The following DNAH8 variants were observed in gnomAD, a reference collection of about 807,000 sequenced individuals.
DNAH8 encodes dynein axonemal heavy chain 8.
A neutral mutation model predicts 562.1 loss-of-function variants in DNAH8; 382 were observed. That is an observed-to-expected ratio of 0.68 (90% CI 0.63 to 0.74). DNAH8 has a LOEUF of 0.74. DNAH8 is among the 30% of genes least tolerant of loss of function. The probability of loss-of-function intolerance (pLI) is 0.00; values close to 1 mark genes in which losing one functional copy is unlikely to be tolerated. For missense variants in DNAH8, 5,203 were observed against 5,620.4 expected, an observed-to-expected ratio of 0.93 and a Z score of 2.37; for synonymous variants, 1,881 against 1,919.4, an observed-to-expected ratio of 0.98 and a Z score of 0.52.
At chr6:38,852,408 C>T (rs1243110941) in intron 39 of DNAH8, among the ~76,000 whole-genome samples, 8 of 151,816 alleles carry the variant, frequency 5.3e-5, no homozygotes, top group South Asian at 4.2e-4. Flanking sequence ...AGGGGGGAGG[C>T]GGTGTGGTCC....
chr6:38,743,550 C>T (rs1257573901), intron 8 of DNAH8, among the ~76,000 whole-genome samples: 4 of 152,162 alleles, frequency 2.6e-5, no homozygotes, highest in South Asian at 4.1e-4. Flanking sequence ...CTTCCCATTT[C>T]CAACATTCCC....
rs33926161 is a variant in DNAH8 at position 38,994,500 on chromosome 6, AT to A, written c.13214+4342del. ...ATCAGGGTATAAAGGAATCATCTAC[AT>A]TTTTTTTTTTTTTAGTGCTTGTATG... On this transcript the variant is annotated intron_variant, in intron 88 of 92. Coordinates refer to ENST00000327475, the MANE Select transcript of DNAH8 (RefSeq NM_001206927.2). Among the ~76,000 whole-genome samples the A allele has an allele frequency of 7.0e-3, 1,015 of 145,342 alleles. 4 individuals carry two copies. Among genetic ancestry groups the A allele is most frequent in the Non-Finnish European group, 0.011 (705 of 66,288 alleles).
intron 68 of DNAH8, among the ~76,000 whole-genome samples, chr6:38,916,639 G>A (rs1353833692): frequency 2.6e-5 from 4 of 152,064 alleles, no homozygotes; most frequent in Admixed American, 6.6e-5. Context: ...TTACTGTAAC[G>A]TACAAAAGGA....
intron 11 of DNAH8, chr6:38,763,246 T>C (rs533683574): frequency 7.8e-6 from 2 of 256,084 alleles, no homozygotes; most frequent in East Asian, 1.2e-4. Context: ...GAAGTGTTTT[T>C]CCCACTATTC....
intron 82 of DNAH8, among the ~76,000 whole-genome samples, chr6:38,966,064 G>A (rs1252263307): frequency 6.6e-6 from 1 of 151,896 alleles, no homozygotes; most frequent in South Asian, 2.1e-4. Flanking sequence ...AGAAGTCAAA[G>A]GTATCTTTTT....
In DNAH8 at chr6:39,012,239, G is replaced by T. The variant is rs760473609; in HGVS notation, c.13396G>T (p.Gly4466Cys). The change falls in exon 90 of 93, where the codon GGC (glycine) becomes TGC (cysteine). Residue 4466 changes from glycine (G) to cysteine (C), a missense_variant. Gly to Cys is a radical substitution (Grantham distance 159, BLOSUM62 -3). Coordinates refer to ENST00000327475, the MANE Select transcript of DNAH8 (RefSeq NM_001206927.2). ...HEVKSRLIKM[G>C]HLNSMNIFLR... ...GGTGAAATCTCGTTTGATAAAGATG[G>T]GCCATCTTAATTCAATGAACATATT... 24 of 1,609,018 alleles carry T rather than the reference G, an allele frequency of 1.5e-5. No individual in the cohort carries two copies. In the East Asian group the frequency reaches 5.1e-4, roughly 34 times the overall value.
intron 61 of DNAH8, among the ~76,000 whole-genome samples, chr6:38,898,698 C>T (rs570789803): frequency 5.3e-5 from 8 of 152,204 alleles, no homozygotes; most frequent in African/African-American, 1.9e-4. Flanking sequence ...AATATACTTC[C>T]CTCAAATTAT....
intron 24 of DNAH8, among the ~76,000 whole-genome samples, chr6:38,807,991 T>C (rs1434558633): frequency 6.6e-6 from 1 of 152,144 alleles, no homozygotes; most frequent in Non-Finnish European, 1.5e-5. Context: ...TTGGTGTTTA[T>C]CATTGTCTTG....
chr6:38,873,437 GT>G, intron 52 of DNAH8, 61 bp downstream of exon 52: 1 of 1,424,080 alleles, frequency 7.0e-7, no homozygotes. Flanking sequence ...CTCAGTTGCA[GT>G]TTACAGCCAT....
intron 57 of DNAH8, among the ~76,000 whole-genome samples, chr6:38,887,359 G>A (rs2150478131): frequency 6.6e-6 from 1 of 152,314 alleles, no homozygotes; most frequent in South Asian, 2.1e-4. Context: ...ACTTCAATAT[G>A]TTAATGAAAA....
At chr6:38,740,118 C>G (rs972533967) in intron 7 of DNAH8, among the ~76,000 whole-genome samples, 1 of 152,142 alleles carries the variant, frequency 6.6e-6, no homozygotes, top group African/African-American at 2.4e-5. Flanking sequence ...TAGCGTTTTA[C>G]TAAACCAACA....
intron 23 of DNAH8, 34 bp from the exon 24 acceptor site, chr6:38,807,576 G>A (rs377402524): frequency 2.4e-6 from 3 of 1,251,404 alleles, no homozygotes; most frequent in African/African-American, 3.1e-5. Context: ...TTTTGGAGGA[G>A]AGATACCAAA....
chr6:38,826,179 A>G lies in DNAH8; in HGVS notation c.3871A>G (p.Ile1291Val). 6.2e-7 allele frequency: 1 copy of G among 1,608,110 alleles called. No homozygotes were observed. The highest frequency in any genetic ancestry group is 1.3e-5 in the African/African-American group (1 of 74,758). Residue 1291 changes from isoleucine to valine, a missense_variant, in exon 29 of 93, where the codon ATC (isoleucine) becomes GTC (valine). This residue lies in a region of DNAH8 where 2,176 missense variants were observed against 2,365.1 expected (regional missense o/e 0.92). Transcript: ENST00000327475. The part of the protein sequence containing the change: ...HTEPMKLALS[I>V]EAKAWKMLLC... Reference sequence around the variant, plus strand: ...AGAGCCGATGAAATTGGCCTTATCCATCGAGGCCAAGGCATGGAAGATGTT... The same window carrying G: ...AGAGCCGATGAAATTGGCCTTATCCGTCGAGGCCAAGGCATGGAAGATGTT...
At chr6:38,783,342 G>A (rs1189432092) in intron 17 of DNAH8, among the ~76,000 whole-genome samples, 1 of 152,174 alleles carries the variant, frequency 6.6e-6, no homozygotes. Context: ...TGACCTTGAA[G>A]ATGACATACT....
intron 21 of DNAH8, among the ~76,000 whole-genome samples, chr6:38,802,556 G>C (rs2150295115): frequency 6.6e-6 from 1 of 152,326 alleles, no homozygotes; most frequent in South Asian, 2.1e-4. Flanking sequence ...AAGACAAAGT[G>C]CAGGCATTTT....
intron 3 of DNAH8, among the ~76,000 whole-genome samples, chr6:38,726,861 T>G (rs573480482): frequency 3.9e-4 from 55 of 141,412 alleles, no homozygotes; most frequent in African/African-American, 1.3e-3. Flanking sequence ...GTTTTTTTTT[T>G]TTTTTTTTTT....
chr6:39,016,540 G>C (rs1766583315), intron 91 of DNAH8, among the ~76,000 whole-genome samples: 1 of 140,776 alleles, frequency 7.1e-6, no homozygotes, highest in Admixed American at 7.5e-5. Flanking sequence ...AACAGAGCGA[G>C]ACTCTGTCTC....
chr6:38,917,541 C>T (rs1561859543), intron 69 of DNAH8, 135 bp downstream of exon 69: 1 of 743,068 alleles, frequency 1.3e-6, no homozygotes, highest in East Asian at 2.6e-5. Context: ...TAAACTCCAT[C>T]ACCTAAAATG....
intron 88 of DNAH8, among the ~76,000 whole-genome samples, chr6:39,002,708 T>C (rs1765567094): frequency 6.6e-6 from 1 of 152,236 alleles, no homozygotes; most frequent in Non-Finnish European, 1.5e-5. Flanking sequence ...TAAAATATAC[T>C]ATACAGTCAA....
Sources: allele counts gnomAD v4.1 joint callset (sites outside exome capture counted in the v4.1 genomes callset), GRCh38; gene constraint gnomAD v4.1.1; regional missense constraint gnomAD v4.1.1; transcripts MANE v1.5; gene names NCBI Gene and HGNC (gene_info 2026-07-23, HGNC 2026-07-21).